DLC1: variants seen among roughly 807,000 people sequenced by gnomAD.
DLC1 encodes the protein DLC1 Rho GTPase activating protein.
DLC1 carries 54 observed loss-of-function variants against 140.3 expected under a neutral mutation model. That is an observed-to-expected ratio of 0.38 (90% CI 0.31 to 0.48). The LOEUF (loss-of-function observed/expected upper bound fraction) is 0.48, where lower values mean the gene tolerates loss of function less well. Among genes scored for constraint, DLC1 ranks in the 20% least tolerant of loss-of-function variants. DLC1 has a pLI of 0.96. For missense variants in DLC1, 2,536 were observed against 1,907.0 expected (o/e 1.33, Z -6.14); for synonymous variants, 986 against 728.1 (o/e 1.35, Z -5.70).
chr8:13,310,804 A>T (rs1832639265), intron 4 of DLC1, among the ~76,000 whole-genome samples: 1 of 152,150 alleles, frequency 6.6e-6, no homozygotes, highest in Non-Finnish European at 1.5e-5. Flanking sequence ...TCTAGCTTTG[A>T]CAGTCATCAT....
chr8:13,441,344 G>A (rs903862042), intron 2 of DLC1, among the ~76,000 whole-genome samples: 8 of 152,128 alleles, frequency 5.3e-5, no homozygotes, highest in South Asian at 2.1e-4. Context: ...ACATAGTGTT[G>A]GAAGTTCTGG....
intron 3 of DLC1, among the ~76,000 whole-genome samples, chr8:13,394,775 A>G (rs1836941097): frequency 6.6e-6 from 1 of 151,974 alleles, no homozygotes; most frequent in Non-Finnish European, 1.5e-5. Flanking sequence ...AATTTCTTTT[A>G]ATACAGTAAG....
intron 1 of DLC1, among the ~76,000 whole-genome samples, chr8:13,553,795 A>C (rs1266560834): frequency 6.6e-6 from 1 of 152,142 alleles, no homozygotes; most frequent in African/African-American, 2.4e-5. Context: ...GATTCTTGTC[A>C]AGGTCACCCA....
intron 5 of DLC1, among the ~76,000 whole-genome samples, chr8:13,135,326 G>A (rs556156440): frequency 2.6e-5 from 4 of 151,306 alleles, no homozygotes; most frequent in African/African-American, 9.7e-5. Context: ...GACTACAGGT[G>A]CCCGCCACCA....
At chr8:13,389,081 C>A (rs1836642746) in intron 4 of DLC1, among the ~76,000 whole-genome samples, 1 of 152,028 alleles carries the variant, frequency 6.6e-6, no homozygotes, top group Non-Finnish European at 1.5e-5. Flanking sequence ...TTATTCTACA[C>A]AGTAGAATGC....
At chr8:13,098,622 G>C in intron 9 of DLC1, 47 bp from the exon 10 acceptor site, 2 of 1,556,950 alleles carry the variant, frequency 1.3e-6, no homozygotes, top group South Asian at 1.2e-5. Context: ...CTTTTTATTT[G>C]ATTTTATTTA....
chr8:13,408,526 A>G (rs1252913266), intron 2 of DLC1, among the ~76,000 whole-genome samples: 1 of 152,222 alleles, frequency 6.6e-6, no homozygotes, highest in Non-Finnish European at 1.5e-5. Flanking sequence ...TTCAAAGGAT[A>G]TTGATACAGC....
intron 1 of DLC1, among the ~76,000 whole-genome samples, chr8:13,544,195 CAA>C (rs1491560833): frequency 4.7e-5 from 6 of 127,532 alleles, no homozygotes; most frequent in African/African-American, 1.6e-4. Context: ...TACACACACA[CAA>C]ACACACACAC....
chr8:13,404,690 G>C (rs915258245), intron 2 of DLC1, among the ~76,000 whole-genome samples: 1 of 152,096 alleles, frequency 6.6e-6, no homozygotes, highest in Non-Finnish European at 1.5e-5. Flanking sequence ...AGTATGAATT[G>C]TAGATGTCAA....
At chr8:13,545,336 AAATAT>A (rs528892533) in intron 1 of DLC1, among the ~76,000 whole-genome samples, 9 of 150,690 alleles carry the variant, frequency 6.0e-5, no homozygotes, top group African/African-American at 1.9e-4. Context: ...TATATACTTT[AAATAT>A]AATATAAAGT....
intron 4 of DLC1, among the ~76,000 whole-genome samples, chr8:13,320,264 T>C (rs547213397): frequency 6.6e-6 from 1 of 152,314 alleles, no homozygotes; most frequent in Non-Finnish European, 1.5e-5. Context: ...CTTGCTAATA[T>C]CCATTTGGGA....
At chr8:13,448,047 T>C (rs1054957544) in intron 2 of DLC1, among the ~76,000 whole-genome samples, 1 of 152,218 alleles carries the variant, frequency 6.6e-6, no homozygotes, top group African/African-American at 2.4e-5. Context: ...GATAACTAAA[T>C]GTTAATGACT....
At chr8:13,410,894 A>ATG (rs1837753832) in intron 2 of DLC1, among the ~76,000 whole-genome samples, 2 of 152,166 alleles carry the variant, frequency 1.3e-5, no homozygotes, top group Admixed American at 6.5e-5. Flanking sequence ...TGTTGAATGA[A>ATG]AGAATGAATG....
At chr8:13,304,928 T>C (rs1053463578) in intron 5 of DLC1, 5 of 1,009,508 alleles carry the variant, frequency 5.0e-6, no homozygotes, top group Non-Finnish European at 5.9e-6. Context: ...AGAGTAAAAA[T>C]AAACCTTGGT....
chr8:13,579,373 T>A (rs1804984233), intron 1 of DLC1, among the ~76,000 whole-genome samples: 3 of 63,682 alleles, frequency 4.7e-5, no homozygotes, highest in African/African-American at 1.1e-4. Flanking sequence ...TTTTATATAA[T>A]ACATATTTAT....
chr8:13,341,462 C>T (rs555973188), intron 4 of DLC1: 1 of 152,244 alleles, frequency 6.6e-6, no homozygotes, highest in Admixed American at 6.5e-5. Flanking sequence ...GTTTCTGATT[C>T]ACTAGGTTTG....
intron 5 of DLC1, among the ~76,000 whole-genome samples, chr8:13,300,532 C>T (rs1832146852): frequency 1.3e-5 from 2 of 152,178 alleles, no homozygotes; most frequent in South Asian, 4.2e-4. Flanking sequence ...AGCTTCTCGT[C>T]CTCTTCGTGG....
chr8:13,100,595 G>T lies in DLC1; in HGVS notation c.1742C>A (p.Thr581Lys), dbSNP rs757570932. The change falls in exon 9 of 18, where the codon ACG becomes AAG. Residue 581 changes from threonine to lysine, a missense_variant. Thr to Lys is a moderately conservative substitution (Grantham distance 78). Transcript: ENST00000276297. ...CTGGCGCTCGCTGAGGTCCATCAGC[G>T]TGCCTCCGGGGCTGGGGCCGTCCTT... is the stretch of plus-strand genomic sequence containing the variant. ...HPKDGPSPGGTLMDLSERQEV... is the reference protein window; with the variant it reads ...HPKDGPSPGGKLMDLSERQEV... The T allele has an allele frequency of 4.3e-6, 7 of 1,613,958 alleles. No homozygotes were observed. Among genetic ancestry groups the T allele is most frequent in the Non-Finnish European group, 5.9e-6 (7 of 1,179,954 alleles).
intron 5 of DLC1, among the ~76,000 whole-genome samples, chr8:13,165,781 C>T (rs1302794142): frequency 1.3e-5 from 2 of 152,160 alleles, no homozygotes; most frequent in Non-Finnish European, 2.9e-5. Context: ...TCTCTTTCCA[C>T]TCAGTCTTGT....
Sources: allele counts gnomAD v4.1 joint callset (sites outside exome capture counted in the v4.1 genomes callset), GRCh38; gene constraint gnomAD v4.1.1; transcripts MANE v1.5; gene names NCBI Gene and HGNC (gene_info 2026-07-23, HGNC 2026-07-21).